HOOK3: variants seen among roughly 807,000 people sequenced by gnomAD.
HOOK3 encodes hook microtubule tethering protein 3.
A neutral mutation model predicts 116.3 loss-of-function variants in HOOK3; 24 were observed. The observed-to-expected ratio is 0.21, with a 90% CI of 0.15 to 0.29. HOOK3 has a LOEUF of 0.29. Ranked by LOEUF, HOOK3 falls within the 10% of genes least tolerant of loss-of-function variation. HOOK3 has a pLI of 1.00. For synonymous variants in HOOK3, 275 were observed against 283.0 expected (o/e 0.97, Z 0.28); for missense variants, 632 against 830.2 (o/e 0.76, Z 2.93).
At chr8:43,006,400 C>T (rs567088439) in intron 17 of HOOK3, among the ~76,000 whole-genome samples, 4 of 151,956 alleles carry the variant, frequency 2.6e-5, no homozygotes, top group Non-Finnish European at 4.4e-5. Context: ...CTGCAACCTC[C>T]GCCTCCCAGG....
At chr8:42,951,896 G>A (rs577839479) in intron 6 of HOOK3, among the ~76,000 whole-genome samples, 5 of 151,090 alleles carry the variant, frequency 3.3e-5, no homozygotes, top group East Asian at 3.9e-4. Flanking sequence ...AGTTGAGATC[G>A]CACCACTGTA....
intron 1 of HOOK3, among the ~76,000 whole-genome samples, chr8:42,901,969 A>C (rs950943940): frequency 6.6e-6 from 1 of 152,144 alleles, no homozygotes; most frequent in African/African-American, 2.4e-5. Flanking sequence ...CGGCTTCCAA[A>C]TGTTCTGGGA....
At chr8:42,935,958 T>C (rs1297693319) in intron 4 of HOOK3, among the ~76,000 whole-genome samples, 2 of 152,252 alleles carry the variant, frequency 1.3e-5, no homozygotes, top group East Asian at 1.9e-4. Flanking sequence ...GGGGATACCA[T>C]TGAATCTATA....
rs1470590516 is a variant in HOOK3 at position 43,013,920 on chromosome 8, C to G, written c.2016+520C>G. Among the ~76,000 whole-genome samples the G allele has an allele frequency of 3.3e-5, 5 of 152,184 alleles. No individual in the cohort carries two copies. In the East Asian group the frequency reaches 9.6e-4, roughly 29 times the overall value. ...ACGGATTTTAAAGAGTGCTGCACTT[C>G]TGAAGTATTTTTTCAAGACTTTCTG... On this transcript the variant is annotated intron_variant, in intron 21 of 21. Coordinates refer to ENST00000307602, the MANE Select transcript of HOOK3 (RefSeq NM_032410.4).
At chr8:42,987,961 G>T (rs1158305840) in intron 15 of HOOK3, among the ~76,000 whole-genome samples, 1 of 151,984 alleles carries the variant, frequency 6.6e-6, no homozygotes, top group African/African-American at 2.4e-5. Flanking sequence ...TTTATTTTGA[G>T]TGATTGATTT....
At chr8:42,906,663 T>G (rs1246273463) in intron 2 of HOOK3, among the ~76,000 whole-genome samples, 1 of 152,226 alleles carries the variant, frequency 6.6e-6, no homozygotes, top group Non-Finnish European at 1.5e-5. Context: ...CCTTATACTT[T>G]CTATCCCACT....
At chr8:43,007,421 T>C (rs1809514436) in intron 17 of HOOK3, among the ~76,000 whole-genome samples, 1 of 152,230 alleles carries the variant, frequency 6.6e-6, no homozygotes, top group South Asian at 2.1e-4. Context: ...CCGCTTTGAC[T>C]TCCTTTGTTC....
chr8:43,013,466 CT>C, intron 21 of HOOK3, 66 bp downstream of exon 21: 1 of 1,279,744 alleles, frequency 7.8e-7, no homozygotes, highest in Non-Finnish European at 1.1e-6. Context: ...ATTATATTCC[CT>C]TTACTGTAGA....
At position 43,022,348 on chromosome 8, in the gene HOOK3, C is replaced by T; in HGVS notation, c.*3850C>T. ...TATTTTTACAAACTCTCGCATACAG[C>T]ACCTTCCTGGGGCCACGTTGGCTTG... On this transcript the variant is annotated 3_prime_UTR_variant, in exon 22 of 22. Transcript: ENST00000307602. The T allele has an allele frequency of 4.8e-6, 1 of 206,650 alleles. No individual in the cohort carries two copies. Among genetic ancestry groups the T allele is most frequent in the Non-Finnish European group, 9.9e-6 (1 of 101,142 alleles). The allele number at this position is 206,650 out of a possible 1,614,324, so 12.8% of individuals were successfully genotyped here.
At chr8:42,929,799 A>T (rs1360053482) in intron 3 of HOOK3, among the ~76,000 whole-genome samples, 2 of 152,152 alleles carry the variant, frequency 1.3e-5, no homozygotes, top group Non-Finnish European at 2.9e-5. Flanking sequence ...TAAGGATGGC[A>T]TATTTTTACT....
At chr8:42,921,951 A>C (rs1158512782) in intron 2 of HOOK3, among the ~76,000 whole-genome samples, 2 of 152,200 alleles carry the variant, frequency 1.3e-5, no homozygotes, top group Non-Finnish European at 2.9e-5. Context: ...TCTTACAGTA[A>C]GTTGCCTTTT....
At chr8:42,976,551 C>G (rs1393102848) in intron 13 of HOOK3, among the ~76,000 whole-genome samples, 1 of 152,076 alleles carries the variant, frequency 6.6e-6, no homozygotes, top group Non-Finnish European at 1.5e-5. Flanking sequence ...ATGACAGAAA[C>G]AAAGACTTAA....
rs1361381000 is a variant in HOOK3, at chr8:42,962,424, TG to T, written c.616-1886del. Reference sequence around the variant, plus strand: ...GCCCGTGTGTTTTTTTTTTTTTTTTTGAAATAGAGTCTTGCTTTGTCGTCCA... The same window carrying T: ...GCCCGTGTGTTTTTTTTTTTTTTTTTAAATAGAGTCTTGCTTTGTCGTCCA... On this transcript the variant is annotated intron_variant, in intron 8 of 21. Transcript: ENST00000307602. Among the ~76,000 whole-genome samples, 36 of 150,348 alleles carry T rather than the reference TG, an allele frequency of 2.4e-4. No individual in the cohort carries two copies. The South Asian group carries it at 4.0e-3, about 17-fold the overall frequency.
chr8:43,002,648 C>T (rs1037841587), intron 17 of HOOK3, among the ~76,000 whole-genome samples: 2 of 152,178 alleles, frequency 1.3e-5, no homozygotes, highest in Non-Finnish European at 2.9e-5. Context: ...CCAGCTTAAT[C>T]TATTTATTTA....
rs57325956 is a variant in HOOK3 at position 42,938,698 on chromosome 8, TTTTA to T, written c.268-4583_268-4580del. ...AAATTCTGGGTTGAAAATGCTTTTC[TTTTA>T]TTTATTTATTTATTTATTTATTTAT... On this transcript the variant is annotated intron_variant, in intron 4 of 21. Transcript: ENST00000307602. 6.4e-3 allele frequency among the ~76,000 whole-genome samples: 957 copies of T among 149,814 alleles called. 2 individuals carry two copies. Among genetic ancestry groups the T allele is most frequent in the East Asian group, 0.01 (52 of 5,176 alleles).
chr8:42,951,081 A>G (rs1211865384), intron 6 of HOOK3, among the ~76,000 whole-genome samples: 2 of 151,896 alleles, frequency 1.3e-5, no homozygotes, highest in African/African-American at 2.4e-5. Context: ...TTATTTATTT[A>G]TTTGTTTGAC....
At chr8:42,970,054 A>G (rs186887287) in intron 11 of HOOK3, among the ~76,000 whole-genome samples, 1 of 152,302 alleles carries the variant, frequency 6.6e-6, no homozygotes, top group East Asian at 1.9e-4. Context: ...CAAAGATTTA[A>G]AGTTTGTTTT....
intron 2 of HOOK3, among the ~76,000 whole-genome samples, chr8:42,924,269 C>T (rs1036595209): frequency 2.6e-5 from 4 of 152,026 alleles, no homozygotes; most frequent in Non-Finnish European, 5.9e-5. Context: ...ATTTCAAAAC[C>T]TGTAAAATGG....
chr8:43,018,720 T>G lies in HOOK3; in HGVS notation c.*222T>G, dbSNP rs1365352572. The G allele has an allele frequency of 1.6e-5, 7 of 427,508 alleles. No individual in the cohort carries two copies. Among genetic ancestry groups the G allele is most frequent in the Non-Finnish European group, 2.9e-5 (7 of 243,424 alleles). The allele number at this position is 427,508 out of a possible 1,614,324, so 26.5% of individuals were successfully genotyped here. The stretch of plus-strand genomic sequence containing the variant: ...CAGTTATTTTTAATGTGCCAAAAAT[T>G]TGTACATGTTCAATTAAAAATGTTG... On this transcript the variant is annotated 3_prime_UTR_variant, in exon 22 of 22. Coordinates refer to ENST00000307602, the MANE Select transcript of HOOK3 (RefSeq NM_032410.4).
Sources: allele counts gnomAD v4.1 joint callset (sites outside exome capture counted in the v4.1 genomes callset), GRCh38; gene constraint gnomAD v4.1.1; transcripts MANE v1.5; gene names NCBI Gene and HGNC (gene_info 2026-07-23, HGNC 2026-07-21).